MEIS2: variants seen among roughly 807,000 people sequenced by gnomAD.
MEIS2 encodes homeobox protein Meis2.
MEIS2 carries 9 observed loss-of-function variants against 58.6 expected under a neutral mutation model. The observed-to-expected ratio is 0.15, with a 90% CI of 0.09 to 0.27. The LOEUF is 0.27. Ranked by LOEUF, MEIS2 falls within the 10% of genes least tolerant of loss-of-function variation. The pLI, the probability that MEIS2 is intolerant of heterozygous loss-of-function variation, is 1.00. For missense variants in MEIS2, 427 were observed against 635.0 expected (o/e 0.67, Z 3.52); for synonymous variants, 221 against 228.4 (o/e 0.97, Z 0.29).
Position 36,976,331 on chromosome 15 carries a change from G to A in MEIS2, c.901-25931C>T, listed in dbSNP as rs554548800. Among the ~76,000 whole-genome samples, 49 of 152,018 alleles carry A rather than the reference G, an allele frequency of 3.2e-4. No homozygotes were observed. The East Asian group carries it at 8.0e-3, about 25-fold the overall frequency. On this transcript the variant is annotated intron_variant, in intron 8 of 11. Coordinates refer to ENST00000561208, the MANE Select transcript of MEIS2 (RefSeq NM_170675.5). ...GAACTCCTGACCTTGTGATTCACCC[G>A]CCTTGGCCTCCCAAAGTGCTGGGAT...
chr15:37,082,311 T>C (rs561384661), intron 7 of MEIS2, among the ~76,000 whole-genome samples: 1 of 152,312 alleles, frequency 6.6e-6, no homozygotes, highest in Non-Finnish European at 1.5e-5. Context: ...CATTAGACCA[T>C]TAAGTCGGCT....
At chr15:36,950,476 C>T in intron 8 of MEIS2, 76 bp from the exon 9 acceptor site, 1 of 1,379,806 alleles carries the variant, frequency 7.2e-7, no homozygotes, top group South Asian at 1.2e-5. Flanking sequence ...AATAAAACCA[C>T]CGTTGGTGAT....
intron 8 of MEIS2, among the ~76,000 whole-genome samples, chr15:36,990,094 G>A (rs372892254): frequency 1.3e-4 from 20 of 152,068 alleles, no homozygotes; most frequent in South Asian, 6.2e-4. Flanking sequence ...ACAGGCGCCC[G>A]CCACCACGCC....
chr15:36,914,788 T>C (rs914965276), intron 9 of MEIS2, among the ~76,000 whole-genome samples: 1 of 151,626 alleles, frequency 6.6e-6, no homozygotes, highest in African/African-American at 2.4e-5. Context: ...CCAACTTTCC[T>C]CAACCGCAGC....
chr15:37,067,960 CTAT>C (rs900096485), intron 7 of MEIS2, among the ~76,000 whole-genome samples: 2 of 152,030 alleles, frequency 1.3e-5, no homozygotes, highest in Non-Finnish European at 2.9e-5. Flanking sequence ...CACTTAATTG[CTAT>C]TATTATTATT....
intron 9 of MEIS2, among the ~76,000 whole-genome samples, chr15:36,912,210 C>T (rs778150023): frequency 6.6e-6 from 1 of 152,138 alleles, no homozygotes; most frequent in Non-Finnish European, 1.5e-5. Flanking sequence ...CCTGCAAAGA[C>T]CACAGCAACC....
At chr15:36,982,152 C>A (rs893401744) in intron 8 of MEIS2, among the ~76,000 whole-genome samples, 47 of 152,208 alleles carry the variant, frequency 3.1e-4, no homozygotes, top group Admixed American at 8.5e-4. Flanking sequence ...ATATATATAT[C>A]TCTCTATATC....
At position 36,896,583 on chromosome 15, in the gene MEIS2, A is replaced by G. The variant is rs370862471; in HGVS notation, c.1036+45T>C. 1.9e-5 allele frequency: 28 copies of G among 1,483,316 alleles called. No homozygotes were observed. In the African/African-American group the frequency reaches 3.8e-4, roughly 20 times the overall value. The allele number at this position is 1,483,316 out of a possible 1,614,324, so 91.9% of individuals were successfully genotyped here. A position where few individuals can be genotyped will look rare whatever the true frequency, so the allele number is the denominator to read the frequency against. The stretch of plus-strand genomic sequence containing the variant: ...ACTACTGGAGTATAACTTGATGAGG[A>G]TTTGTGCCTGTGGGACATAAATATA... On this transcript the variant is annotated intron_variant, in intron 10 of 11. Transcript: ENST00000561208.
At chr15:36,906,651 GAAAAAAAAAA>G (rs56715244) in intron 9 of MEIS2, among the ~76,000 whole-genome samples, 1 of 96,554 alleles carries the variant, frequency 1.0e-5, no homozygotes, top group African/African-American at 4.0e-5. Context: ...AGCCACTCAA[GAAAAAAAAAA>G]AAAAAAAAAA....
intron 9 of MEIS2, among the ~76,000 whole-genome samples, chr15:36,934,668 C>G (rs889591303): frequency 2.6e-5 from 4 of 152,142 alleles, no homozygotes; most frequent in Non-Finnish European, 5.9e-5. Context: ...ATGAGCTTTG[C>G]CTAGCATGAA....
chr15:36,987,407 C>CA (rs71126250), intron 8 of MEIS2, among the ~76,000 whole-genome samples: 1,928 of 115,740 alleles, frequency 0.017, 58 homozygotes, highest in African/African-American at 0.062. Context: ...GACCCTGTCT[C>CA]AAAAAAAAAA....
At chr15:37,056,560 C>G (rs1277783934) in intron 7 of MEIS2, among the ~76,000 whole-genome samples, 2 of 152,176 alleles carry the variant, frequency 1.3e-5, no homozygotes, top group Non-Finnish European at 2.9e-5. Flanking sequence ...CGGCAGCCCC[C>G]GCCAGAAAGT....
intron 8 of MEIS2, among the ~76,000 whole-genome samples, chr15:37,025,970 T>C (rs542545311): frequency 2.6e-5 from 4 of 152,258 alleles, no homozygotes; most frequent in Non-Finnish European, 5.9e-5. Flanking sequence ...AATTTATGGC[T>C]TCACAGAAAC....
intron 9 of MEIS2, among the ~76,000 whole-genome samples, chr15:36,929,633 A>C (rs990731936): frequency 2.6e-5 from 4 of 152,350 alleles, no homozygotes; most frequent in Admixed American, 6.5e-5. Flanking sequence ...ATGAAGGCAG[A>C]GGGTCCGCTT....
chr15:37,020,743 G>A (rs1595941285), intron 8 of MEIS2, among the ~76,000 whole-genome samples: 1 of 147,078 alleles, frequency 6.8e-6, no homozygotes, highest in Non-Finnish European at 1.5e-5. Context: ...CTCACTGGCT[G>A]TGTTATGGGG....
intron 9 of MEIS2, among the ~76,000 whole-genome samples, chr15:36,926,978 A>T (rs552313547): frequency 2.5e-3 from 382 of 152,344 alleles, no homozygotes; most frequent in Non-Finnish European, 3.3e-3. Flanking sequence ...GGCCATTTGA[A>T]TACCTGCAAT....
Position 37,021,799 on chromosome 15 carries a change from C to T in MEIS2, c.900+15015G>A, listed in dbSNP as rs538773843. ...TAAAAAGTAAAAATGTCACCTAGATCTCCCTACCCAAGGATAATCATTCAT... is the reference window on the plus strand; with the variant it reads ...TAAAAAGTAAAAATGTCACCTAGATTTCCCTACCCAAGGATAATCATTCAT... On this transcript the variant is annotated intron_variant, in intron 8 of 11. Transcript: ENST00000561208. Among the ~76,000 whole-genome samples, 5 of 152,246 alleles carry T rather than the reference C, an allele frequency of 3.3e-5. 1 individual carries two copies. In the South Asian group the frequency reaches 1.0e-3, roughly 32 times the overall value.
chr15:36,996,514 G>C (rs1359674704), intron 8 of MEIS2, among the ~76,000 whole-genome samples: 5 of 152,150 alleles, frequency 3.3e-5, no homozygotes, highest in Non-Finnish European at 7.4e-5. Flanking sequence ...GCTGTATATT[G>C]TTGTTTAGCA....
At chr15:37,037,716 T>C (rs2062222396) in intron 7 of MEIS2, among the ~76,000 whole-genome samples, 1 of 152,260 alleles carries the variant, frequency 6.6e-6, no homozygotes, top group South Asian at 2.1e-4. Flanking sequence ...AAAGCCTGCC[T>C]GGAGGGCATC....
Sources: allele counts gnomAD v4.1 joint callset (sites outside exome capture counted in the v4.1 genomes callset), GRCh38; gene constraint gnomAD v4.1.1; transcripts MANE v1.5; gene names NCBI Gene and HGNC (gene_info 2026-07-23, HGNC 2026-07-21).